The following NUDCD1 variants were observed in gnomAD, a reference collection of about 807,000 sequenced individuals.
The protein encoded by NUDCD1 is NudC domain containing 1.
In NUDCD1, 60 loss-of-function variants were observed where a neutral mutation model predicts 67.8. The observed-to-expected ratio is 0.88, with a 90% CI of 0.72 to 1.10. The LOEUF is 1.10. NUDCD1 is among the 50% of genes least tolerant of loss of function. The pLI is 0.00. For missense variants in NUDCD1, 643 were observed against 695.0 expected (o/e 0.93, Z 0.84); for synonymous variants, 244 against 230.8 (o/e 1.06, Z -0.52).
intron 2 of NUDCD1, among the ~76,000 whole-genome samples, chr8:109,309,024 C>T (rs1047860692): frequency 1.3e-5 from 2 of 151,440 alleles, no homozygotes; most frequent in Non-Finnish European, 1.5e-5. Flanking sequence ...AGAATTCTAC[C>T]AGATGTTCAA....
intron 8 of NUDCD1, among the ~76,000 whole-genome samples, chr8:109,247,426 G>C (rs1813524370): frequency 6.6e-6 from 1 of 152,086 alleles, no homozygotes; most frequent in South Asian, 2.1e-4. Flanking sequence ...AAAGAATAGA[G>C]GACCTTGAAC....
At chr8:109,249,184 G>T (rs1376899001) in intron 8 of NUDCD1, among the ~76,000 whole-genome samples, 1 of 152,080 alleles carries the variant, frequency 6.6e-6, no homozygotes, top group East Asian at 1.9e-4. Flanking sequence ...ATATTTCAAA[G>T]CTTAGAAAGA....
chr8:109,325,220 G>A (rs1221957240), intron 1 of NUDCD1, among the ~76,000 whole-genome samples: 8 of 152,122 alleles, frequency 5.3e-5, no homozygotes, highest in Non-Finnish European at 5.9e-5. Context: ...GGGATGAAGG[G>A]AGGTTGCTTA....
intron 8 of NUDCD1, among the ~76,000 whole-genome samples, chr8:109,268,369 T>C (rs1304197033): frequency 2.0e-5 from 3 of 152,212 alleles, no homozygotes; most frequent in South Asian, 4.1e-4. Context: ...CCTGTGACTA[T>C]AGTTAAATCT....
At position 109,241,758 on chromosome 8, in the gene NUDCD1, C is replaced by G. The variant is rs1246873163; in HGVS notation, c.*1251G>C. 1 of 230,524 alleles carries G rather than the reference C, an allele frequency of 4.3e-6. No individual in the cohort carries two copies. Among genetic ancestry groups the G allele is most frequent in the African/African-American group, 2.2e-5 (1 of 44,616 alleles). 14.3% of individuals were successfully genotyped at this position (230,524 alleles called of 1,614,324 possible). ...TGAGTCAAATACTTGCCCAGACAGG[C>G]AAAAGATATGTTAGGAACAAAGCTT... On this transcript the variant is annotated 3_prime_UTR_variant, in exon 10 of 10. Transcript: ENST00000239690.
At chr8:109,267,382 A>G (rs1814027916) in intron 8 of NUDCD1, among the ~76,000 whole-genome samples, 1 of 152,210 alleles carries the variant, frequency 6.6e-6, no homozygotes, top group African/African-American at 2.4e-5. Flanking sequence ...ATTATTAAAA[A>G]GTAAAAAAAT....
intron 8 of NUDCD1, among the ~76,000 whole-genome samples, chr8:109,258,824 T>C (rs1813799745): frequency 6.6e-6 from 1 of 152,182 alleles, no homozygotes; most frequent in Non-Finnish European, 1.5e-5. Flanking sequence ...ACTAAAAGTA[T>C]ATCTTTTCAG....
chr8:109,259,712 C>A lies in NUDCD1; in HGVS notation c.1299+11293G>T, dbSNP rs537326198. ...TCTTCCAGAAGAAAGTATCTTCTCA[C>A]TGATTTGGTGGTAGTACTTTAATTA... On this transcript the variant is annotated intron_variant, in intron 8 of 9. Transcript: ENST00000239690. Among the ~76,000 whole-genome samples the A allele has an allele frequency of 2.0e-5, 3 of 152,332 alleles. No individual in the cohort carries two copies. In the East Asian group the frequency reaches 5.8e-4, roughly 29 times the overall value.
intron 1 of NUDCD1, among the ~76,000 whole-genome samples, chr8:109,328,023 A>G (rs1815718024): frequency 6.6e-6 from 1 of 152,236 alleles, no homozygotes; most frequent in Admixed American, 6.5e-5. Context: ...TTTGCAGCCA[A>G]CATGGAAGAA....
chr8:109,283,386 A>G lies in NUDCD1; in HGVS notation c.824-2214T>C, dbSNP rs191836459. On this transcript the variant is annotated intron_variant, in intron 5 of 9. Transcript: ENST00000239690. Reference sequence around the variant, plus strand: ...AAACATGTTTGAGGGAATAATTCAGAAAATTTCCCTAATCCTGCTAGAGAG... The same window carrying G: ...AAACATGTTTGAGGGAATAATTCAGGAAATTTCCCTAATCCTGCTAGAGAG... Among the ~76,000 whole-genome samples, 758 of 152,326 alleles carry G rather than the reference A, an allele frequency of 5.0e-3. 14 individuals carry two copies. The highest frequency in any genetic ancestry group is 0.046 in the South Asian group (222 of 4,824).
chr8:109,305,284 G>A (rs1815077760), intron 2 of NUDCD1, among the ~76,000 whole-genome samples: 1 of 152,132 alleles, frequency 6.6e-6, no homozygotes, highest in African/African-American at 2.4e-5. Flanking sequence ...CACAGGGTCT[G>A]AGAAGGCCAC....
At chr8:109,257,957 T>C (rs1813776442) in intron 8 of NUDCD1, among the ~76,000 whole-genome samples, 1 of 152,106 alleles carries the variant, frequency 6.6e-6, no homozygotes, top group African/African-American at 2.4e-5. Context: ...CCCCTCTCTG[T>C]AGGTTTTTGT....
At chr8:109,295,813 A>G (rs1027864654) in intron 3 of NUDCD1, among the ~76,000 whole-genome samples, 12 of 152,254 alleles carry the variant, frequency 7.9e-5, no homozygotes, top group African/African-American at 2.9e-4. Flanking sequence ...TCTGTTTTCA[A>G]AAACTGTAGT....
At chr8:109,331,966 T>C (rs184655224) in intron 1 of NUDCD1, among the ~76,000 whole-genome samples, 1 of 152,228 alleles carries the variant, frequency 6.6e-6, no homozygotes, top group African/African-American at 2.4e-5. Context: ...AGTGCAAGGA[T>C]GTCCAGCATA....
At chr8:109,249,704 A>G (rs1229006937) in intron 8 of NUDCD1, among the ~76,000 whole-genome samples, 1 of 152,212 alleles carries the variant, frequency 6.6e-6, no homozygotes, top group Non-Finnish European at 1.5e-5. Flanking sequence ...GATTTTTAAC[A>G]TATACTCAAA....
intron 8 of NUDCD1, among the ~76,000 whole-genome samples, chr8:109,266,004 C>T (rs1049099341): frequency 6.6e-6 from 1 of 151,778 alleles, no homozygotes; most frequent in African/African-American, 2.4e-5. Context: ...TAAAAATATC[C>T]TTTCACCTTC....
chr8:109,309,075 A>C (rs1815177737), intron 2 of NUDCD1, among the ~76,000 whole-genome samples: 1 of 152,158 alleles, frequency 6.6e-6, no homozygotes, highest in Non-Finnish European at 1.5e-5. Context: ...ATTCCACAAG[A>C]CAGAGAAAGA....
chr8:109,316,434 A>T (rs1815396831), intron 2 of NUDCD1: 1 of 152,324 alleles, frequency 6.6e-6, no homozygotes, highest in African/African-American at 2.4e-5. Flanking sequence ...ACAACAGTTC[A>T]GGTTTAACAA....
intron 8 of NUDCD1, among the ~76,000 whole-genome samples, chr8:109,270,093 T>TGGGGGGGGGGGGGGGGGG (rs1563665969): frequency 1.5e-4 from 1 of 6,548 alleles, no homozygotes. Flanking sequence ...TGCCTTAAGG[T>TGGGGGGGGGGGGGGGGGG]GGGGTGTGAA....
Sources: allele counts gnomAD v4.1 joint callset (sites outside exome capture counted in the v4.1 genomes callset), GRCh38; gene constraint gnomAD v4.1.1; transcripts MANE v1.5; gene names NCBI Gene and HGNC (gene_info 2026-07-23, HGNC 2026-07-21).